TNKS2: variants seen among roughly 807,000 people sequenced by gnomAD.
TNKS2 encodes the protein tankyrase 2, also known as poly [ADP-ribose] polymerase tankyrase-2.
A neutral mutation model predicts 137.6 loss-of-function variants in TNKS2; 72 were observed. The observed-to-expected ratio is 0.52, with a 90% CI of 0.43 to 0.64. TNKS2 has a LOEUF of 0.64. TNKS2 is among the 30% of genes least tolerant of loss of function. The probability of loss-of-function intolerance (pLI) is 0.00; values close to 1 mark genes in which losing one functional copy is unlikely to be tolerated. For synonymous variants in TNKS2, 516 were observed against 512.1 expected (o/e 1.01, Z -0.10); for missense variants, 1,049 against 1,410.2 (o/e 0.74, Z 4.10).
rs1249745229 is a variant in TNKS2 at position 91,865,405 on chromosome 10, G to A, written c.*2406G>A. On this transcript the variant is annotated 3_prime_UTR_variant, in exon 27 of 27. Transcript: ENST00000371627. ...TAGTTCTGAGTCTAATAGTGATAAA[G>A]AATGCAGTTTGAAGTTTGAAATATT... 6.6e-6 allele frequency: 1 copy of A among 152,508 alleles called. No individual in the cohort carries two copies. The highest frequency in any genetic ancestry group is 1.5e-5 in the Non-Finnish European group (1 of 68,014). 9.4% of individuals were successfully genotyped at this position (152,508 alleles called of 1,614,324 possible).
At chr10:91,850,398 T>A (rs1772187) in intron 20 of TNKS2, among the ~76,000 whole-genome samples, 27,795 of 143,054 alleles carry the variant, frequency 0.19, 2,701 homozygotes, top group Middle Eastern at 0.33. Context: ...CATATGAAAA[T>A]TCAAGTTTTA....
intron 15 of TNKS2, 57 bp from the exon 16 acceptor site, chr10:91,842,115 T>A: frequency 1.6e-6 from 2 of 1,255,526 alleles, no homozygotes; most frequent in Non-Finnish European, 2.3e-6. Flanking sequence ...ATTTTCTCAT[T>A]GACCAAAGGC....
chr10:91,838,498 C>T (rs1400961226), intron 13 of TNKS2, among the ~76,000 whole-genome samples: 5 of 152,184 alleles, frequency 3.3e-5, no homozygotes, highest in African/African-American at 4.8e-5. Flanking sequence ...ATACTTTATT[C>T]GACACATGCT....
At chr10:91,820,235 A>G (rs1335706783) in intron 6 of TNKS2, among the ~76,000 whole-genome samples, 1 of 152,230 alleles carries the variant, frequency 6.6e-6, no homozygotes, top group East Asian at 1.9e-4. Context: ...TACACTTCAG[A>G]GGGCATGAAA....
At chr10:91,857,603 A>G in intron 24 of TNKS2, 73 bp downstream of exon 24, 3 of 896,466 alleles carry the variant, frequency 3.3e-6, no homozygotes, top group Non-Finnish European at 5.2e-6. Flanking sequence ...ATATGAAATA[A>G]TAATAAGCCT....
chr10:91,848,483 C>T lies in TNKS2; in HGVS notation c.2459C>T (p.Ala820Val). ...QVLNGVRSPG[A>V]TADALSSGPS... ...CTCAATGGTGTGAGAAGCCCAGGAG[C>T]CACTGCAGATGCTCTCTCTTCAGGT... Residue 820 changes from alanine (A) to valine (V), a missense_variant, in exon 19 of 27, where the codon GCC (alanine) becomes GTC (valine). By Grantham distance (64) the Ala-to-Val change is moderately conservative. This residue lies in a region of TNKS2 where 208 missense variants were observed against 231.2 expected (regional missense o/e 0.90). Coordinates refer to ENST00000371627, the MANE Select transcript of TNKS2 (RefSeq NM_025235.4). 1 of 1,614,158 alleles carries T rather than the reference C, an allele frequency of 6.2e-7. No individual in the cohort carries two copies. The highest frequency in any genetic ancestry group is 8.5e-7 in the Non-Finnish European group (1 of 1,180,022).
At chr10:91,853,020 T>C (rs759665066) in intron 21 of TNKS2, among the ~76,000 whole-genome samples, 1 of 152,208 alleles carries the variant, frequency 6.6e-6, no homozygotes, top group Non-Finnish European at 1.5e-5. Flanking sequence ...GCACTAAAAA[T>C]GAGAAACTAG....
chr10:91,836,780 C>T (rs1304567093), intron 12 of TNKS2, 139 bp from the exon 13 acceptor site: 2 of 1,396,196 alleles, frequency 1.4e-6, no homozygotes, highest in South Asian at 1.7e-5. Context: ...CCCTCACCCC[C>T]CTTACTACCA....
At position 91,837,231 on chromosome 10, in the gene TNKS2, C is replaced by T. The variant is rs563040747; in HGVS notation, c.1527+233C>T. On this transcript the variant is annotated intron_variant, in intron 13 of 26. Transcript: ENST00000371627. ...TTACATTCACAAATATAAATAAATT[C>T]GGGTAATACCAAATGGGTTTTGCTT... Among the ~76,000 whole-genome samples, 7 of 152,236 alleles carry T rather than the reference C, an allele frequency of 4.6e-5. No individual in the cohort carries two copies. In the East Asian group the frequency reaches 1.4e-3, roughly 29 times the overall value.
rs369959530 is a variant in TNKS2 at position 91,848,643 on chromosome 10, G to A, written c.2611+8G>A. 51 of 1,612,662 alleles carry A rather than the reference G, an allele frequency of 3.2e-5. No individual in the cohort carries two copies. In the South Asian group the frequency reaches 3.7e-4, roughly 12 times the overall value. On this transcript the variant is annotated splice_region_variant and intron_variant, in intron 19 of 26. Transcript: ENST00000371627. ...GTTTGGAGAAAAAGGAGGGTGAGAC[G>A]TTCTACAAAAATAACTTTCTAACTG...
chr10:91,858,241 C>G (rs867874953), intron 24 of TNKS2, among the ~76,000 whole-genome samples: 1 of 151,874 alleles, frequency 6.6e-6, no homozygotes, highest in African/African-American at 2.4e-5. Context: ...TTCATAATAC[C>G]CTGGGAGAAT....
At chr10:91,852,294 A>G (rs1444977010) in intron 21 of TNKS2, among the ~76,000 whole-genome samples, 1 of 151,444 alleles carries the variant, frequency 6.6e-6, no homozygotes, top group Non-Finnish European at 1.5e-5. Context: ...TCAGTGGCTC[A>G]TGTCTGTAAT....
chr10:91,847,347 G>T (rs868005030), intron 18 of TNKS2, among the ~76,000 whole-genome samples: 9 of 151,952 alleles, frequency 5.9e-5, no homozygotes, highest in African/African-American at 1.9e-4. Context: ...CATTCTAGCA[G>T]ATTTTTTTTA....
chr10:91,835,443 C>T (rs1223646097), intron 12 of TNKS2, among the ~76,000 whole-genome samples: 4 of 151,546 alleles, frequency 2.6e-5, no homozygotes, highest in African/African-American at 9.7e-5. Context: ...GTGCACACCA[C>T]CACACCCGGC....
intron 1 of TNKS2, among the ~76,000 whole-genome samples, chr10:91,800,759 A>G (rs771148286): frequency 6.6e-6 from 1 of 152,232 alleles, no homozygotes; most frequent in Non-Finnish European, 1.5e-5. Context: ...CTGCACTTCA[A>G]TCATATAAGA....
Position 91,855,678 on chromosome 10 carries a change from A to G in TNKS2, c.2978A>G (p.Asn993Ser), listed in dbSNP as rs753625529. Residue 993 changes from asparagine to serine, a missense_variant, in exon 23 of 27, where the codon AAT becomes AGT. Physicochemically the swap from Asn to Ser is conservative, Grantham distance 46. This residue lies in a region of TNKS2 where 133 missense variants were observed against 248.4 expected (regional missense o/e 0.54). Transcript: ENST00000371627. ...GCAGGTGGAATCTTCAACAGATACA[A>G]TATTCTCAAGGTAATAAATTAGTGA... ...GHAGGIFNRY[N>S]ILKIQKVCNK... is the part of the protein sequence containing the mutation. The G allele has an allele frequency of 1.5e-5, 24 of 1,611,116 alleles. No individual in the cohort carries two copies. Among genetic ancestry groups the G allele is most frequent in the South Asian group, 9.9e-5 (9 of 90,858 alleles).
At chr10:91,856,797 A>G (rs891512524) in intron 23 of TNKS2, among the ~76,000 whole-genome samples, 4 of 152,224 alleles carry the variant, frequency 2.6e-5, no homozygotes, top group African/African-American at 7.2e-5. Context: ...GACTAAAACC[A>G]TCAGCTTCCA....
Position 91,819,925 on chromosome 10 carries a change from G to T in TNKS2, c.634-14G>T. 6.6e-7 allele frequency: 1 copy of T among 1,513,914 alleles called. No individual in the cohort carries two copies. 93.8% of individuals were successfully genotyped at this position (1,513,914 alleles called of 1,614,324 possible). On this transcript the variant is annotated splice_polypyrimidine_tract_variant and intron_variant, in intron 5 of 26. Transcript: ENST00000371627. ...TTATTTGAATTTCATTAATATATTT[G>T]ATTAATATTTCAGTCAACTCCATTA...
chr10:91,836,156 A>G (rs1021463550), intron 12 of TNKS2, among the ~76,000 whole-genome samples: 6 of 147,104 alleles, frequency 4.1e-5, no homozygotes, highest in Admixed American at 2.1e-4. Context: ...GATGCATGTT[A>G]CAGTTTGGTT....
Sources: gnomAD v4.1 joint callset for allele counts (sites outside exome capture counted in the v4.1 genomes callset) on GRCh38, gnomAD v4.1.1 for gene constraint, gnomAD v4.1.1 regional missense constraint, MANE v1.5 for transcripts, NCBI Gene and HGNC (gene_info 2026-07-23, HGNC 2026-07-21) for gene names.